The following CNTNAP5 variants were observed in gnomAD, a reference collection of about 807,000 sequenced individuals.
CNTNAP5 encodes the protein contactin-associated protein-like 5.
A neutral mutation model predicts 150.2 loss-of-function variants in CNTNAP5; 72 were observed. The ratio of observed to expected loss-of-function variants is 0.48; its 90% CI spans 0.40 to 0.58. The LOEUF is 0.58. CNTNAP5 is among the 20% of genes least tolerant of loss of function. The pLI is 0.00. For synonymous variants in CNTNAP5, 672 were observed against 619.8 expected (o/e 1.08, Z -1.25); for missense variants, 1,636 against 1,626.2 (o/e 1.01, Z -0.10).
intron 10 of CNTNAP5, among the ~76,000 whole-genome samples, chr2:124,560,518 C>A (rs1322158533): frequency 1.3e-3 from 160 of 126,852 alleles, no homozygotes; most frequent in East Asian, 4.2e-3. Context: ...GACTCCATTT[C>A]AAAAAAAAAA....
At chr2:124,548,605 A>G (rs1156533338) in intron 10 of CNTNAP5, among the ~76,000 whole-genome samples, 1 of 152,210 alleles carries the variant, frequency 6.6e-6, no homozygotes, top group Non-Finnish European at 1.5e-5. Context: ...GTGCAAACCA[A>G]ATCTCTCTCT....
intron 18 of CNTNAP5, among the ~76,000 whole-genome samples, chr2:124,797,604 T>C (rs2104641275): frequency 6.6e-6 from 1 of 152,328 alleles, no homozygotes; most frequent in Admixed American, 6.5e-5. Context: ...TTACTGCTGC[T>C]CACCCCAATG....
intron 3 of CNTNAP5, among the ~76,000 whole-genome samples, chr2:124,286,898 A>G (rs1573891914): frequency 6.6e-6 from 1 of 152,176 alleles, no homozygotes; most frequent in East Asian, 1.9e-4. Flanking sequence ...GGTGGCATGT[A>G]AAGAAGTCGA....
At chr2:124,120,489 A>G (rs983655572) in intron 1 of CNTNAP5, among the ~76,000 whole-genome samples, 1 of 152,228 alleles carries the variant, frequency 6.6e-6, no homozygotes, top group African/African-American at 2.4e-5. Context: ...GAATAGGCTC[A>G]GAGAAAAGGA....
intron 3 of CNTNAP5, among the ~76,000 whole-genome samples, chr2:124,335,792 C>T (rs1689452731): frequency 6.6e-6 from 1 of 151,882 alleles, no homozygotes; most frequent in Non-Finnish European, 1.5e-5. Context: ...ACTGTAGTTT[C>T]AAGTGGATCA....
At chr2:124,266,496 A>G (rs1687610967) in intron 3 of CNTNAP5, among the ~76,000 whole-genome samples, 1 of 152,132 alleles carries the variant, frequency 6.6e-6, no homozygotes, top group African/African-American at 2.4e-5. Flanking sequence ...TGATTTATGA[A>G]TAGGTCTTTG....
At chr2:124,052,476 C>A (rs1681725671) in intron 1 of CNTNAP5, among the ~76,000 whole-genome samples, 2 of 152,132 alleles carry the variant, frequency 1.3e-5, no homozygotes, top group African/African-American at 4.8e-5. Flanking sequence ...ACCAAGGGTC[C>A]CAGGATTTAA....
intron 14 of CNTNAP5, among the ~76,000 whole-genome samples, chr2:124,750,370 T>G (rs1307716149): frequency 6.6e-6 from 1 of 152,200 alleles, no homozygotes; most frequent in African/African-American, 2.4e-5. Flanking sequence ...GTTTCTTCTG[T>G]CATTCTCAAG....
At chr2:124,782,103 T>C (rs982436627) in intron 17 of CNTNAP5, among the ~76,000 whole-genome samples, 2 of 152,000 alleles carry the variant, frequency 1.3e-5, no homozygotes, top group African/African-American at 4.8e-5. Flanking sequence ...TTCTGAAGCC[T>C]GCAGTTTTCC....
intron 10 of CNTNAP5, among the ~76,000 whole-genome samples, chr2:124,557,726 C>A (rs1242501875): frequency 6.6e-6 from 1 of 152,024 alleles, no homozygotes; most frequent in Non-Finnish European, 1.5e-5. Flanking sequence ...TCCAGGGAAA[C>A]AATGAGGAAG....
At chr2:124,800,614 T>C (rs1286129275) in intron 19 of CNTNAP5, among the ~76,000 whole-genome samples, 5 of 152,192 alleles carry the variant, frequency 3.3e-5, no homozygotes, top group Non-Finnish European at 7.3e-5. Context: ...AAATGCACAA[T>C]GTTTTAAATA....
intron 1 of CNTNAP5, among the ~76,000 whole-genome samples, chr2:124,163,836 T>A (rs1338142870): frequency 6.7e-6 from 1 of 148,372 alleles, no homozygotes; most frequent in Non-Finnish European, 1.5e-5. Flanking sequence ...TCTTTTAACT[T>A]CAATTATTGC....
At chr2:124,913,925 C>G (rs1307641048) in intron 23 of CNTNAP5, among the ~76,000 whole-genome samples, 167 bp from the exon 24 acceptor site, 3 of 152,034 alleles carry the variant, frequency 2.0e-5, no homozygotes, top group Admixed American at 6.6e-5. Context: ...GAAGACAGGG[C>G]CTTTCAGCAG....
chr2:124,637,875 T>C (rs907489256), intron 12 of CNTNAP5, among the ~76,000 whole-genome samples: 34 of 152,278 alleles, frequency 2.2e-4, no homozygotes, highest in South Asian at 6.2e-4. Flanking sequence ...TTTTCTTGTG[T>C]TCTTGCATGG....
At chr2:124,094,639 AAC>A (rs1682892427) in intron 1 of CNTNAP5, among the ~76,000 whole-genome samples, 1 of 152,226 alleles carries the variant, frequency 6.6e-6, no homozygotes, top group Non-Finnish European at 1.5e-5. Context: ...ACATAATAAA[AAC>A]ACTGCTGTAT....
intron 13 of CNTNAP5, among the ~76,000 whole-genome samples, chr2:124,718,603 G>C (rs890124875): frequency 1.3e-5 from 2 of 152,136 alleles, no homozygotes; most frequent in African/African-American, 4.8e-5. Context: ...GATTATGTAT[G>C]TGGAACTGTT....
chr2:124,182,522 A>G (rs1042108989), intron 1 of CNTNAP5, among the ~76,000 whole-genome samples: 2 of 152,174 alleles, frequency 1.3e-5, no homozygotes, highest in Non-Finnish European at 2.9e-5. Flanking sequence ...ATGTTGACCT[A>G]TGCACAAGGA....
At chr2:124,226,982 G>T (rs1323640285) in intron 2 of CNTNAP5, among the ~76,000 whole-genome samples, 1 of 151,988 alleles carries the variant, frequency 6.6e-6, no homozygotes, top group African/African-American at 2.4e-5. Flanking sequence ...TATTCATGAG[G>T]TCAGAATACT....
intron 3 of CNTNAP5, among the ~76,000 whole-genome samples, chr2:124,339,978 T>A (rs1055546534): frequency 6.6e-6 from 1 of 152,014 alleles, no homozygotes; most frequent in African/African-American, 2.4e-5. Context: ...GCAATAGAGA[T>A]GTTATCTACA....
Sources: gnomAD v4.1 joint callset for allele counts (sites outside exome capture counted in the v4.1 genomes callset) on GRCh38, gnomAD v4.1.1 for gene constraint, MANE v1.5 for transcripts, NCBI Gene and HGNC (gene_info 2026-07-23, HGNC 2026-07-21) for gene names.